The following RAB11FIP4 variants were observed in gnomAD, a reference collection of about 807,000 sequenced individuals.
The protein encoded by RAB11FIP4 is rab11 family-interacting protein 4.
In RAB11FIP4, 23 loss-of-function variants were observed where a neutral mutation model predicts 74.3. The observed-to-expected ratio is 0.31, with a 90% CI of 0.22 to 0.44. RAB11FIP4 has a LOEUF of 0.44. Among genes scored for constraint, RAB11FIP4 ranks in the 20% least tolerant of loss-of-function variants. The probability of loss-of-function intolerance (pLI) is 1.00; values close to 1 mark genes in which losing one functional copy is unlikely to be tolerated. For synonymous variants in RAB11FIP4, 360 were observed against 359.9 expected (o/e 1.00, Z 0.00); for missense variants, 630 against 863.9 (o/e 0.73, Z 3.39).
At chr17:31,516,241 A>C (rs1287640265) in intron 3 of RAB11FIP4, among the ~76,000 whole-genome samples, 1 of 150,874 alleles carries the variant, frequency 6.6e-6, no homozygotes, top group African/African-American at 2.4e-5. Context: ...TCACTGCACC[A>C]TGTGGCAGCA....
intron 10 of RAB11FIP4, 40 bp downstream of exon 10, chr17:31,525,270 C>T (rs963519331): frequency 3.9e-6 from 6 of 1,521,050 alleles, no homozygotes; most frequent in Admixed American, 4.2e-5. Context: ...AGAGGGACCC[C>T]CTGTCCTGGG....
At chr17:31,503,707 G>C (rs183976017) in intron 3 of RAB11FIP4, among the ~76,000 whole-genome samples, 1 of 149,860 alleles carries the variant, frequency 6.7e-6, no homozygotes, top group Non-Finnish European at 1.5e-5. Flanking sequence ...TTGAAACCAA[G>C]ACTGCTCGTC....
chr17:31,484,449 T>C (rs900795135), intron 3 of RAB11FIP4, among the ~76,000 whole-genome samples: 6 of 151,974 alleles, frequency 3.9e-5, no homozygotes, highest in African/African-American at 1.4e-4. Flanking sequence ...AAGACCTTCC[T>C]TCCCCACATC....
chr17:31,428,972 G>T (rs932612252), intron 1 of RAB11FIP4, among the ~76,000 whole-genome samples: 2 of 152,050 alleles, frequency 1.3e-5, no homozygotes, highest in South Asian at 2.1e-4. Flanking sequence ...TTATGATGAT[G>T]ATGATGATTA....
intron 3 of RAB11FIP4, among the ~76,000 whole-genome samples, chr17:31,475,902 C>T (rs972475573): frequency 2.1e-4 from 32 of 149,882 alleles, no homozygotes; most frequent in African/African-American, 6.1e-4. Flanking sequence ...GAGAAAATAA[C>T]GACTGAGTGT....
At chr17:31,448,063 C>T (rs1337262868) in intron 3 of RAB11FIP4, among the ~76,000 whole-genome samples, 3 of 152,102 alleles carry the variant, frequency 2.0e-5, no homozygotes, top group South Asian at 2.1e-4. Context: ...CCACCTGTCT[C>T]GGCCTCCCAA....
intron 3 of RAB11FIP4, chr17:31,508,943 T>G (rs1294298707): frequency 6.6e-6 from 1 of 152,522 alleles, no homozygotes; most frequent in Non-Finnish European, 1.5e-5. Flanking sequence ...AGAAAGGCAG[T>G]GTGGGCTTCA....
intron 3 of RAB11FIP4, among the ~76,000 whole-genome samples, chr17:31,476,172 C>CTTTTTTTTTTTTTTT (rs71369069): frequency 3.1e-5 from 2 of 63,532 alleles, no homozygotes; most frequent in East Asian, 5.9e-4. Context: ...ATCGACTGAA[C>CTTTTTTTTTTTTTTT]TTTTTTTTTT....
intron 1 of RAB11FIP4, among the ~76,000 whole-genome samples, chr17:31,403,901 G>A (rs1189167109): frequency 2.0e-5 from 3 of 152,168 alleles, no homozygotes; most frequent in Non-Finnish European, 2.9e-5. Context: ...AGCCTGGGGT[G>A]GTCTCGGTTG....
At chr17:31,529,549 T>A (rs56019638) in intron 13 of RAB11FIP4, among the ~76,000 whole-genome samples, 5,413 of 152,278 alleles carry the variant, frequency 0.036, 135 homozygotes, top group South Asian at 0.061. Context: ...ATTACAGGAA[T>A]GAGCCACTGT....
At chr17:31,455,638 T>G (rs1377953522) in intron 3 of RAB11FIP4, among the ~76,000 whole-genome samples, 1 of 57,590 alleles carries the variant, frequency 1.7e-5, no homozygotes, top group African/African-American at 1.1e-4. Flanking sequence ...CCACAGGGAG[T>G]GGGTCTGCTC....
intron 3 of RAB11FIP4, among the ~76,000 whole-genome samples, chr17:31,448,202 C>T (rs1206964996): frequency 2.0e-5 from 3 of 152,026 alleles, no homozygotes; most frequent in Admixed American, 1.3e-4. Context: ...GCTGTGGGGC[C>T]GCTTTATGTA....
chr17:31,504,909 T>G (rs549803823), intron 3 of RAB11FIP4, among the ~76,000 whole-genome samples: 13 of 152,326 alleles, frequency 8.5e-5, no homozygotes, highest in African/African-American at 3.1e-4. Context: ...CGAGAACTTG[T>G]TAGAAATGCG....
chr17:31,487,972 G>C, intron 3 of RAB11FIP4: 107 of 523,070 alleles, frequency 2.0e-4, no homozygotes, highest in Non-Finnish European at 2.5e-4. Flanking sequence ...CCCCGCCCCC[G>C]CCCCGCCCCG....
At chr17:31,482,745 G>A (rs2071861788) in intron 3 of RAB11FIP4, among the ~76,000 whole-genome samples, 1 of 152,124 alleles carries the variant, frequency 6.6e-6, no homozygotes, top group Admixed American at 6.6e-5. Context: ...TTACCACCTG[G>A]GATGAAAGCT....
intron 8 of RAB11FIP4, 60 bp downstream of exon 8, chr17:31,523,671 G>T (rs907302885): frequency 1.0e-5 from 15 of 1,488,248 alleles, no homozygotes; most frequent in Admixed American, 6.7e-5. Flanking sequence ...GGGAGATGGG[G>T]TGCACTCAGG....
chr17:31,497,142 T>C (rs2072131561), intron 3 of RAB11FIP4, among the ~76,000 whole-genome samples: 2 of 152,088 alleles, frequency 1.3e-5, no homozygotes, highest in African/African-American at 4.8e-5. Context: ...CGCGGGCGGA[T>C]CACCTGAGGT....
chr17:31,483,279 C>T (rs1183220248), intron 3 of RAB11FIP4, among the ~76,000 whole-genome samples: 1 of 150,368 alleles, frequency 6.7e-6, no homozygotes, highest in Admixed American at 6.7e-5. Flanking sequence ...CTAAGATGGA[C>T]CAGGTTTGAC....
At chr17:31,456,298 C>T (rs1447893025) in intron 3 of RAB11FIP4, among the ~76,000 whole-genome samples, 1 of 64,562 alleles carries the variant, frequency 1.5e-5, no homozygotes, top group Non-Finnish European at 3.7e-5. Context: ...GCCCAGCCTT[C>T]TAGGCTCAAG....
Sources: gnomAD v4.1 joint callset for allele counts (sites outside exome capture counted in the v4.1 genomes callset) on GRCh38, gnomAD v4.1.1 for gene constraint, MANE v1.5 for transcripts, NCBI Gene and HGNC (gene_info 2026-07-23, HGNC 2026-07-21) for gene names.